BNC2: variants seen among roughly 807,000 people sequenced by gnomAD.
BNC2 encodes zinc finger protein basonuclin-2.
Under a neutral mutation model 76.3 loss-of-function variants are expected in BNC2, and 20 were observed. The observed-to-expected ratio is 0.26, with a 90% CI of 0.18 to 0.38. The LOEUF is 0.38. BNC2 is among the 10% of genes least tolerant of loss of function. The pLI, the probability that BNC2 is intolerant of heterozygous loss-of-function variation, is 1.00. For synonymous variants in BNC2, 582 were observed against 514.8 expected (o/e 1.13, Z -1.77); for missense variants, 1,382 against 1,399.8 (o/e 0.99, Z 0.20).
At chr9:16,698,634 C>CG (rs1162406326) in intron 3 of BNC2, among the ~76,000 whole-genome samples, 1 of 151,732 alleles carries the variant, frequency 6.6e-6, no homozygotes, top group Admixed American at 6.6e-5. Flanking sequence ...ACAGAGGTTG[C>CG]GGTGAGCCAA....
rs1305298202 is a variant in BNC2 at position 16,419,573 on chromosome 9, G to A, written c.2716C>T (p.Pro906Ser). Residue 906 changes from proline to serine, a missense_variant, in exon 7 of 7, where the codon CCC becomes TCC. Around this residue, in one of 3 missense-constraint regions of BNC2, gnomAD observed 798 missense variants for 775.5 expected, o/e 1.03. Coordinates refer to ENST00000380672, the MANE Select transcript of BNC2 (RefSeq NM_017637.6). ...LDDMGLDSSQPSLSKDLRDEF... is the reference protein window; with the variant it reads ...LDDMGLDSSQSSLSKDLRDEF... ...TCGCGGAGGTCCTTGCTAAGGGAGG[G>A]CTGCGACGAGTCCAGGCCCATGTCA... 6.2e-7 allele frequency: 1 copy of A among 1,611,608 alleles called. No individual in the cohort carries two copies. Among genetic ancestry groups the A allele is most frequent in the Non-Finnish European group, 8.5e-7 (1 of 1,178,922 alleles).
chr9:16,728,903 A>G (rs776716338), intron 2 of BNC2, among the ~76,000 whole-genome samples: 11 of 152,184 alleles, frequency 7.2e-5, no homozygotes, highest in Non-Finnish European at 1.3e-4. Context: ...AGAAGTAGAA[A>G]AAAATCCTTT....
chr9:16,818,086 C>A (rs1300829832), intron 1 of BNC2, among the ~76,000 whole-genome samples: 1 of 151,938 alleles, frequency 6.6e-6, no homozygotes, highest in Non-Finnish European at 1.5e-5. Context: ...GGCAAGCCTG[C>A]AACTGCAACT....
chr9:16,684,226 G>A (rs748684621), intron 3 of BNC2, among the ~76,000 whole-genome samples: 4 of 151,866 alleles, frequency 2.6e-5, no homozygotes, highest in East Asian at 1.9e-4. Context: ...AACATCACTC[G>A]TCCTACCCAA....
At chr9:16,481,161 G>T (rs754996409) in intron 5 of BNC2, among the ~76,000 whole-genome samples, 3 of 152,048 alleles carry the variant, frequency 2.0e-5, no homozygotes, top group Non-Finnish European at 4.4e-5. Context: ...TAATCTGATG[G>T]GGAGGTGGAG....
chr9:16,691,119 CCT>C (rs1390122386), intron 3 of BNC2, among the ~76,000 whole-genome samples: 1 of 152,090 alleles, frequency 6.6e-6, no homozygotes, highest in African/African-American at 2.4e-5. Context: ...CTGGTGACAC[CCT>C]GAGGAGCCTA....
intron 5 of BNC2, among the ~76,000 whole-genome samples, chr9:16,550,852 C>A (rs1818639688): frequency 6.6e-6 from 1 of 152,144 alleles, no homozygotes. Context: ...ATACAAACAA[C>A]TGTAAGAGGT....
intron 1 of BNC2, among the ~76,000 whole-genome samples, chr9:16,823,728 T>C (rs1371691846): frequency 6.6e-6 from 1 of 152,198 alleles, no homozygotes; most frequent in African/African-American, 2.4e-5. Context: ...CAGGAATTAT[T>C]TCTTTTTTAA....
intron 3 of BNC2, among the ~76,000 whole-genome samples, chr9:16,723,449 C>CTA (rs369334668): frequency 3.6e-4 from 54 of 149,814 alleles, no homozygotes; most frequent in South Asian, 1.9e-3. Flanking sequence ...ACTTGTAATA[C>CTA]TATATATATA....
intron 1 of BNC2, among the ~76,000 whole-genome samples, chr9:16,769,180 T>A (rs115345817): frequency 0.018 from 2,702 of 152,264 alleles, 60 homozygotes; most frequent in African/African-American, 0.057. Context: ...TATATATGAT[T>A]CAGACATATA....
chr9:16,869,546 A>C (rs1819624731), intron 1 of BNC2, among the ~76,000 whole-genome samples: 1 of 152,166 alleles, frequency 6.6e-6, no homozygotes, highest in South Asian at 2.1e-4. Context: ...CCAACCCGCT[A>C]TCTCACCTGT....
chr9:16,790,701 T>C (rs1817480991), intron 1 of BNC2, among the ~76,000 whole-genome samples: 1 of 152,158 alleles, frequency 6.6e-6, no homozygotes, highest in African/African-American at 2.4e-5. Flanking sequence ...CTTCATCCTT[T>C]TCATCACAAC....
intron 1 of BNC2, among the ~76,000 whole-genome samples, chr9:16,852,872 T>A (rs1165093411): frequency 6.6e-6 from 1 of 152,066 alleles, no homozygotes; most frequent in African/African-American, 2.4e-5. Flanking sequence ...CTTAGCAAAG[T>A]TCTATGGCCT....
rs531157825 is a variant in BNC2, at chr9:16,448,719, C to T, written c.670-11195G>A. Among the ~76,000 whole-genome samples the T allele has an allele frequency of 2.0e-5, 3 of 152,222 alleles. No individual in the cohort carries two copies. In the East Asian group the frequency reaches 5.8e-4, roughly 29 times the overall value. Reference sequence around the variant, plus strand: ...CAGAAAGATGTATTAGGAGATTTAACTTTGTTCTTTTCTGGGTATAAGAAT... The same window carrying T: ...CAGAAAGATGTATTAGGAGATTTAATTTTGTTCTTTTCTGGGTATAAGAAT... On this transcript the variant is annotated intron_variant, in intron 5 of 6. Transcript: ENST00000380672.
At chr9:16,594,613 A>C (rs1357504783) in intron 3 of BNC2, among the ~76,000 whole-genome samples, 5 of 152,216 alleles carry the variant, frequency 3.3e-5, no homozygotes, top group African/African-American at 1.2e-4. Context: ...CTGATTACCC[A>C]GGCCAATTGA....
chr9:16,643,197 TC>T (rs1821535578), intron 3 of BNC2, among the ~76,000 whole-genome samples: 1 of 151,512 alleles, frequency 6.6e-6, no homozygotes, highest in Non-Finnish European at 1.5e-5. Flanking sequence ...TCCCAGCTAC[TC>T]GGGAGGCTGA....
In BNC2 at chr9:16,413,251, T is replaced by C. The variant is rs189110399; in HGVS notation, c.*5738A>G. 6.6e-6 allele frequency: 1 copy of C among 152,026 alleles called. No individual in the cohort carries two copies. The highest frequency in any genetic ancestry group is 1.9e-4 in the East Asian group (1 of 5,162). The allele number at this position is 152,026 out of a possible 1,614,324, so 9.4% of individuals were successfully genotyped here. ...ACAACAGCACTTTAGAGGAGAAGAA[T>C]AAAGATAGTTTTATGACAACTATAG... is the stretch of plus-strand genomic sequence containing the variant. On this transcript the variant is annotated 3_prime_UTR_variant, in exon 7 of 7. Transcript: ENST00000380672.
intron 1 of BNC2, among the ~76,000 whole-genome samples, chr9:16,761,257 C>A (rs7031229): frequency 0.71 from 107,934 of 151,852 alleles, 39,955 homozygotes; most frequent in Non-Finnish European, 0.83. Context: ...AAACAAAAAA[C>A]AACAACAACA....
intron 1 of BNC2, among the ~76,000 whole-genome samples, chr9:16,784,461 G>A (rs1367882371): frequency 6.6e-6 from 1 of 152,168 alleles, no homozygotes; most frequent in Non-Finnish European, 1.5e-5. Flanking sequence ...GAAAAAGACT[G>A]CAAAATAAGA....
Sources: gnomAD v4.1 joint callset for allele counts (sites outside exome capture counted in the v4.1 genomes callset) on GRCh38, gnomAD v4.1.1 for gene constraint, gnomAD v4.1.1 regional missense constraint, MANE v1.5 for transcripts, NCBI Gene and HGNC (gene_info 2026-07-23, HGNC 2026-07-21) for gene names.